Variants in SLCO3A1 observed in about 807,000 individuals in gnomAD.
SLCO3A1 encodes solute carrier organic anion transporter family member 3A1.
In SLCO3A1, 27 loss-of-function variants were observed where a neutral mutation model predicts 63.1. The observed-to-expected ratio is 0.43, with a 90% CI of 0.32 to 0.59. SLCO3A1 has a LOEUF of 0.59. SLCO3A1 is among the 20% of genes least tolerant of loss of function. The probability of loss-of-function intolerance (pLI) is 0.09; values close to 1 mark genes in which losing one functional copy is unlikely to be tolerated. For synonymous variants in SLCO3A1, 473 were observed against 409.9 expected (o/e 1.15, Z -1.86); for missense variants, 773 against 945.8 (o/e 0.82, Z 2.40).
chr15:92,050,063 A>G (rs1033173877), intron 2 of SLCO3A1, among the ~76,000 whole-genome samples: 2 of 152,228 alleles, frequency 1.3e-5, no homozygotes, highest in Non-Finnish European at 2.9e-5. Context: ...TTGCCTCATG[A>G]CCGGGTGACC....
intron 2 of SLCO3A1, among the ~76,000 whole-genome samples, chr15:91,957,627 A>G (rs1425510749): frequency 6.6e-6 from 1 of 151,740 alleles, no homozygotes; most frequent in Non-Finnish European, 1.5e-5. Context: ...GCTCTCCTTC[A>G]TTTGGTTCAG....
intron 7 of SLCO3A1, among the ~76,000 whole-genome samples, chr15:92,146,681 T>C (rs2048228484): frequency 6.6e-6 from 1 of 152,210 alleles, no homozygotes; most frequent in African/African-American, 2.4e-5. Flanking sequence ...GAAGCGCAAT[T>C]TCCTCTCTAA....
intron 2 of SLCO3A1, among the ~76,000 whole-genome samples, chr15:92,091,210 G>A (rs1010577225): frequency 5.3e-5 from 8 of 152,200 alleles, no homozygotes; most frequent in Non-Finnish European, 1.2e-4. Flanking sequence ...GGCATGTAAA[G>A]TGCTTTCAAT....
At chr15:92,120,819 T>C (rs2047854557) in intron 5 of SLCO3A1, among the ~76,000 whole-genome samples, 190 bp downstream of exon 5, 1 of 152,142 alleles carries the variant, frequency 6.6e-6, no homozygotes, top group Admixed American at 6.5e-5. Context: ...CCTGGATCAG[T>C]TGCTAAAAGC....
chr15:92,087,759 T>TCTGC, intron 2 of SLCO3A1, among the ~76,000 whole-genome samples: 1 of 152,274 alleles, frequency 6.6e-6, no homozygotes, highest in East Asian at 1.9e-4. Context: ...CCTCAGGTGA[T>TCTGC]CTGCCTGCCT....
At chr15:92,035,363 A>T (rs1320703255) in intron 2 of SLCO3A1, among the ~76,000 whole-genome samples, 4 of 151,874 alleles carry the variant, frequency 2.6e-5, no homozygotes. Flanking sequence ...GTTTGCTGAA[A>T]ATCCCTGTCG....
chr15:91,937,892 A>G (rs1423837132), intron 2 of SLCO3A1, among the ~76,000 whole-genome samples: 1 of 152,036 alleles, frequency 6.6e-6, no homozygotes, highest in African/African-American at 2.4e-5. Context: ...AATTGACTTA[A>G]CCTTGGTTTT....
intron 2 of SLCO3A1, among the ~76,000 whole-genome samples, chr15:91,976,185 T>A (rs1901102344): frequency 6.6e-6 from 1 of 152,154 alleles, no homozygotes; most frequent in Non-Finnish European, 1.5e-5. Context: ...TCCCAAACTG[T>A]ACTGGGGAGA....
At chr15:91,878,350 G>A (rs1379574543) in intron 1 of SLCO3A1, among the ~76,000 whole-genome samples, 3 of 152,204 alleles carry the variant, frequency 2.0e-5, no homozygotes, top group Non-Finnish European at 4.4e-5. Context: ...AAAGTGCTGG[G>A]ATTACAGGCG....
intron 1 of SLCO3A1, among the ~76,000 whole-genome samples, chr15:91,870,437 G>T (rs1201406602): frequency 6.6e-6 from 1 of 152,164 alleles, no homozygotes; most frequent in Non-Finnish European, 1.5e-5. Context: ...TTGCCTATAG[G>T]TTAGATATAT....
rs1339339448 is a variant in SLCO3A1 at position 92,034,778 on chromosome 15, T to G, written c.647-60103T>G. Among the ~76,000 whole-genome samples, 2 of 151,962 alleles carry G rather than the reference T, an allele frequency of 1.3e-5. 1 individual carries two copies. The highest frequency in any genetic ancestry group is 2.9e-5 in the Non-Finnish European group (2 of 67,894). ...CCATGTCCCCTCCAGTGGTGGCATG[T>G]GGCTATGGGAACTGTCATTGAGACG... On this transcript the variant is annotated intron_variant, in intron 2 of 9. Transcript: ENST00000318445.
At chr15:91,957,125 A>ACTATATAGTATATATAAT (rs1567037771) in intron 2 of SLCO3A1, among the ~76,000 whole-genome samples, 2 of 8,746 alleles carry the variant, frequency 2.3e-4, no homozygotes, top group Non-Finnish European at 3.7e-4. Flanking sequence ...TAATATATAT[A>ACTATATAGTATATATAAT]ATATATATAC....
chr15:92,106,463 G>A (rs8025160), intron 4 of SLCO3A1, among the ~76,000 whole-genome samples: 6,435 of 152,180 alleles, frequency 0.042, 425 homozygotes, highest in African/African-American at 0.15. Flanking sequence ...TCCATAGAAA[G>A]TGTCCTGGTA....
rs562926887 is a variant in SLCO3A1, at chr15:91,989,605, C to A, written c.646+73147C>A. Among the ~76,000 whole-genome samples, 143 of 152,274 alleles carry A rather than the reference C, an allele frequency of 9.4e-4. 2 individuals are homozygous for A. The highest frequency in any genetic ancestry group is 8.1e-3 in the South Asian group (39 of 4,816). On this transcript the variant is annotated intron_variant, in intron 2 of 9. Coordinates refer to ENST00000318445, the MANE Select transcript of SLCO3A1 (RefSeq NM_013272.4). ...TGCAGAGTCATGGTACAAATAAGACCATAATGAGAAGTCCTGAGCTTTCCA... is the reference window on the plus strand; with the variant it reads ...TGCAGAGTCATGGTACAAATAAGACAATAATGAGAAGTCCTGAGCTTTCCA...
In SLCO3A1 at chr15:91,883,510, T is replaced by G. The variant is rs1897648578; in HGVS notation, c.180+29422T>G. ...GGCTGGGGCCCTTCATCCTTTGCATTTTCTTGCATGCAGTAGTCTTCCATA... is the reference window on the plus strand; with the variant it reads ...GGCTGGGGCCCTTCATCCTTTGCATGTTCTTGCATGCAGTAGTCTTCCATA... On this transcript the variant is annotated intron_variant, in intron 1 of 9. Coordinates refer to ENST00000318445, the MANE Select transcript of SLCO3A1 (RefSeq NM_013272.4). The surrounding 1 kb of genome is among the most constrained non-coding windows in gnomAD (Gnocchi z 4.8). 6.6e-6 allele frequency among the ~76,000 whole-genome samples: 1 copy of G among 152,180 alleles called. No individual in the cohort carries two copies. The highest frequency in any genetic ancestry group is 6.5e-5 in the Admixed American group (1 of 15,286).
chr15:91,988,261 GTGGGGGGAGGAGGA>G (rs1298996438), intron 2 of SLCO3A1, among the ~76,000 whole-genome samples: 1 of 151,926 alleles, frequency 6.6e-6, no homozygotes. Flanking sequence ...GCCGGGCATG[GTGGGGGGAGGAGGA>G]GGCTGCAGTG....
intron 9 of SLCO3A1, among the ~76,000 whole-genome samples, chr15:92,154,939 C>T (rs141534710): frequency 2.7e-3 from 413 of 152,250 alleles, no homozygotes; most frequent in Non-Finnish European, 5.2e-3. Context: ...TGTCTGACTT[C>T]GAGATTATGG....
At chr15:91,931,796 C>CACACACACACAT (rs1597132691) in intron 2 of SLCO3A1, among the ~76,000 whole-genome samples, 1 of 149,926 alleles carries the variant, frequency 6.7e-6, no homozygotes, top group African/African-American at 2.5e-5. Flanking sequence ...GAAACACACA[C>CACACACACACAT]ACACGCACAC....
chr15:92,087,771 G>A (rs543742568), intron 2 of SLCO3A1, among the ~76,000 whole-genome samples: 9 of 152,104 alleles, frequency 5.9e-5, no homozygotes, highest in East Asian at 1.9e-4. Context: ...TGCCTGCCTC[G>A]GCCTCCCAAA....
Sources: allele counts gnomAD v4.1 joint callset (sites outside exome capture counted in the v4.1 genomes callset), GRCh38; gene constraint gnomAD v4.1.1; non-coding constraint Gnocchi (gnomAD v3.1); transcripts MANE v1.5; gene names NCBI Gene and HGNC (gene_info 2026-07-23, HGNC 2026-07-21).